The following CBR4 variants were observed in gnomAD, a reference collection of about 807,000 sequenced individuals.
CBR4 encodes the protein carbonyl reductase 4, also known as 3-oxoacyl-[acyl-carrier-protein] reductase.
A neutral mutation model predicts 21.0 loss-of-function variants in CBR4; 22 were observed. That is an observed-to-expected ratio of 1.05 (90% CI 0.75 to 1.50). The LOEUF is 1.50. Ranked by LOEUF, CBR4 falls within the 40% of genes most tolerant of loss-of-function variation. The pLI, the probability that CBR4 is intolerant of heterozygous loss-of-function variation, is 0.00. For missense variants in CBR4, 302 were observed against 286.3 expected, an observed-to-expected ratio of 1.05 and a Z score of -0.40; for synonymous variants, 100 against 104.4, an observed-to-expected ratio of 0.96 and a Z score of 0.26.
intron 2 of CBR4, among the ~76,000 whole-genome samples, chr4:168,922,679 TG>T (rs1256848932): frequency 1.4e-4 from 21 of 152,236 alleles, no homozygotes; most frequent in African/African-American, 5.1e-4. Flanking sequence ...GTGGTAAATA[TG>T]TGGACTGTGG....
At chr4:168,960,857 G>A (rs1450024769) in intron 2 of CBR4, among the ~76,000 whole-genome samples, 1 of 152,204 alleles carries the variant, frequency 6.6e-6, no homozygotes, top group Admixed American at 6.5e-5. Flanking sequence ...ATGCTGGTAG[G>A]TATGCGGTGG....
chr4:168,951,786 G>A (rs1032650883), intron 2 of CBR4, among the ~76,000 whole-genome samples: 1 of 152,194 alleles, frequency 6.6e-6, no homozygotes, highest in African/African-American at 2.4e-5. Flanking sequence ...GAAATCTGCT[G>A]TTAGTCTGAT....
chr4:168,925,321 T>G (rs1762370801), intron 2 of CBR4: 1 of 1,425,126 alleles, frequency 7.0e-7, no homozygotes, highest in South Asian at 1.1e-5. Flanking sequence ...ATATGCATGT[T>G]GATTTCTCTT....
chr4:169,009,365 A>C (rs1731194127), intron 1 of CBR4, among the ~76,000 whole-genome samples: 1 of 152,352 alleles, frequency 6.6e-6, no homozygotes, highest in East Asian at 1.9e-4. Flanking sequence ...ACTCACCAAA[A>C]CAATTTAATA....
At chr4:169,001,928 A>C in intron 4 of CBR4, 143 bp downstream of exon 4, 2 of 816,556 alleles carry the variant, frequency 2.4e-6, no homozygotes, top group South Asian at 6.0e-5. Context: ...AATTTTTTTG[A>C]GTCCCCCAGT....
In CBR4 at chr4:169,001,151, A is replaced by AT. The variant is rs200561073; in HGVS notation, c.535+919dup. ...AGGTGTGCACCACCACACCCAGCTAATTTTTTTTTTTTTTTTTCGGTACAG... is the reference window on the plus strand; with the variant it reads ...AGGTGTGCACCACCACACCCAGCTAATTTTTTTTTTTTTTTTTTCGGTACAG... On this transcript the variant is annotated intron_variant, in intron 4 of 4. Transcript: ENST00000306193. The AT allele has an allele frequency of 7.6e-3, 1,001 of 132,256 alleles. 7 individuals carry two copies. The highest frequency in any genetic ancestry group is 0.016 in the East Asian group (75 of 4,652). The allele number at this position is 132,256 out of a possible 1,614,324, so 8.2% of individuals were successfully genotyped here. A position where few individuals can be genotyped will look rare whatever the true frequency, so the allele number is the denominator to read the frequency against.
At position 168,904,274 on chromosome 4, in the gene CBR4, AGAGT is replaced by A. The variant is rs773709187; in HGVS notation, n.170-9513_170-9510del. The A allele has an allele frequency of 3.3e-4, 84 of 256,594 alleles. 2 individuals carry two copies. Among genetic ancestry groups the A allele is most frequent in the Non-Finnish European group, 4.0e-4 (51 of 128,872 alleles). 15.9% of individuals were successfully genotyped at this position (256,594 alleles called of 1,614,324 possible). On this transcript the variant is annotated intron_variant and non_coding_transcript_variant, in intron 2 of 3. Transcript: ENST00000509108. ...TACATGAAGAAAATAAAGGAGAAAA[AGAGT>A]GAGTGGCATGCATAGGCTGTATAAG...
intron 4 of CBR4, among the ~76,000 whole-genome samples, chr4:168,991,481 A>T (rs566908735): frequency 6.6e-6 from 1 of 152,364 alleles, no homozygotes; most frequent in Non-Finnish European, 1.5e-5. Context: ...TCTGGATTTT[A>T]AAATCTTACG....
At chr4:168,895,161 A>C (rs1356152886) in intron 2 of CBR4, among the ~76,000 whole-genome samples, 1 of 152,144 alleles carries the variant, frequency 6.6e-6, no homozygotes, top group Non-Finnish European at 1.5e-5. Context: ...AGGTGGGTGG[A>C]TCACGAGGTC....
At chr4:168,999,189 T>C (rs1462760606) in intron 4 of CBR4, among the ~76,000 whole-genome samples, 1 of 152,154 alleles carries the variant, frequency 6.6e-6, no homozygotes, top group African/African-American at 2.4e-5. Flanking sequence ...TAATTTATTA[T>C]TTTCCTTGTT....
chr4:168,912,298 AACTC>A (rs1226174600), intron 2 of CBR4, among the ~76,000 whole-genome samples: 1 of 152,194 alleles, frequency 6.6e-6, no homozygotes, highest in African/African-American at 2.4e-5. Context: ...TCTGAGCTAG[AACTC>A]ACTAAGTCTA....
intron 2 of CBR4, among the ~76,000 whole-genome samples, chr4:168,967,069 C>T (rs183634159): frequency 1.5e-4 from 22 of 151,656 alleles, no homozygotes; most frequent in East Asian, 5.8e-4. Context: ...ATGTTTATTG[C>T]GGCACTGTTC....
chr4:168,931,809 TG>T (rs1261543800), intron 2 of CBR4, among the ~76,000 whole-genome samples: 16 of 152,122 alleles, frequency 1.1e-4, no homozygotes, highest in African/African-American at 3.6e-4. Flanking sequence ...CCTAGGCCAC[TG>T]GGCACTTACA....
intron 2 of CBR4, among the ~76,000 whole-genome samples, chr4:168,963,490 G>A (rs1027145944): frequency 7.0e-5 from 10 of 142,184 alleles, no homozygotes; most frequent in Admixed American, 1.4e-4. Context: ...TTTTTTTTGA[G>A]ATGGAGTCTC....
intron 2 of CBR4, among the ~76,000 whole-genome samples, chr4:168,981,368 C>A (rs955910396): frequency 1.6e-4 from 25 of 152,038 alleles, no homozygotes; most frequent in African/African-American, 6.0e-4. Context: ...CACTGCACTC[C>A]TAGGCAACAG....
chr4:168,941,323 A>G (rs1406290086), intron 2 of CBR4, among the ~76,000 whole-genome samples: 4 of 152,140 alleles, frequency 2.6e-5, no homozygotes, highest in Admixed American at 2.6e-4. Flanking sequence ...AAAGTACAAT[A>G]AAAAAATTTT....
chr4:168,944,676 T>C (rs1763355097), intron 2 of CBR4, among the ~76,000 whole-genome samples: 1 of 152,136 alleles, frequency 6.6e-6, no homozygotes, highest in Non-Finnish European at 1.5e-5. Context: ...GAAAAGAACA[T>C]GGAAGAATTT....
intron 2 of CBR4, among the ~76,000 whole-genome samples, chr4:168,938,932 C>T (rs1183242296): frequency 6.6e-6 from 1 of 152,138 alleles, no homozygotes; most frequent in Non-Finnish European, 1.5e-5. Flanking sequence ...GGGAATCCTC[C>T]CTAACTCATT....
chr4:168,976,741 G>A (rs897669149), intron 2 of CBR4, among the ~76,000 whole-genome samples: 6 of 152,194 alleles, frequency 3.9e-5, no homozygotes, highest in East Asian at 1.9e-4. Flanking sequence ...GTATATTATC[G>A]CAAGGGCGGG....
Sources: allele counts gnomAD v4.1 joint callset (sites outside exome capture counted in the v4.1 genomes callset), GRCh38; gene constraint gnomAD v4.1.1; transcripts MANE v1.5; gene names NCBI Gene and HGNC (gene_info 2026-07-23, HGNC 2026-07-21).